Variants in UGT1A10 observed in about 807,000 individuals in gnomAD.
The protein encoded by UGT1A10 is UDP glucuronosyltransferase family 1 member A10.
A neutral mutation model predicts 45.8 loss-of-function variants in UGT1A10; 49 were observed. The observed-to-expected ratio is 1.07, with a 90% CI of 0.85 to 1.36. UGT1A10 has a LOEUF of 1.36. Ranked by LOEUF, UGT1A10 falls within the 40% of genes most tolerant of loss-of-function variation. The probability of loss-of-function intolerance (pLI) is 0.00; values close to 1 mark genes in which losing one functional copy is unlikely to be tolerated. For missense variants in UGT1A10, 745 were observed against 668.6 expected (o/e 1.11, Z -1.26); for synonymous variants, 284 against 249.7 (o/e 1.14, Z -1.29).
chr2:233,657,973 G>T lies in UGT1A10; in HGVS notation c.855+20596G>T, dbSNP rs569125238. Among the ~76,000 whole-genome samples, 3 of 150,698 alleles carry T rather than the reference G, an allele frequency of 2.0e-5. No individual in the cohort carries two copies. The East Asian group carries it at 5.8e-4, about 29-fold the overall frequency. ...AATTTAGATTTATGCAAGGTTGCAA[G>T]AACTAGCACAGAGAATTTTCATATC... On this transcript the variant is annotated intron_variant, in intron 1 of 4. Coordinates refer to ENST00000344644, the MANE Select transcript of UGT1A10 (RefSeq NM_019075.4).
chr2:233,747,372 A>G (rs1321135438), intron 1 of UGT1A10: 1 of 1,604,206 alleles, frequency 6.2e-7, no homozygotes, highest in African/African-American at 1.3e-5. Flanking sequence ...GCTCCATGCC[A>G]GAGGCCACCA....
At chr2:233,665,598 A>G (rs917976898) in intron 1 of UGT1A10, among the ~76,000 whole-genome samples, 3 of 152,242 alleles carry the variant, frequency 2.0e-5, no homozygotes, top group Non-Finnish European at 4.4e-5. Context: ...GAAACAGTTT[A>G]GCATTGGTTG....
intron 1 of UGT1A10, among the ~76,000 whole-genome samples, chr2:233,671,419 T>C (rs2074187596): frequency 6.6e-6 from 1 of 152,152 alleles, no homozygotes; most frequent in African/African-American, 2.4e-5. Flanking sequence ...ATGTATGCAT[T>C]GCAGAGACAC....
In UGT1A10 at chr2:233,772,133, A is replaced by G. The variant is rs1203476934; in HGVS notation, c.1296-129A>G. ...GTATCTAAAAACAACAACAACAACA[A>G]TAATAGAAACAGGTTTCCTTTCCCA... On this transcript the variant is annotated intron_variant, in intron 4 of 4. Coordinates refer to ENST00000344644, the MANE Select transcript of UGT1A10 (RefSeq NM_019075.4). 1.9e-6 allele frequency: 3 copies of G among 1,545,744 alleles called. No homozygotes were observed. In the East Asian group the frequency reaches 7.3e-5, roughly 38 times the overall value.
intron 1 of UGT1A10, among the ~76,000 whole-genome samples, chr2:233,703,952 G>A (rs1407087431): frequency 1.3e-5 from 2 of 151,648 alleles, no homozygotes; most frequent in African/African-American, 4.8e-5. Context: ...GTGCAGTGGT[G>A]TGATCTTGGC....
At chr2:233,661,214 T>C (rs922158312) in intron 1 of UGT1A10, among the ~76,000 whole-genome samples, 1 of 152,078 alleles carries the variant, frequency 6.6e-6, no homozygotes, top group African/African-American at 2.4e-5. Flanking sequence ...CTGGTCTATT[T>C]TCCTACCTTA....
At chr2:233,711,354 C>G (rs1387342793) in intron 1 of UGT1A10, among the ~76,000 whole-genome samples, 6 of 152,220 alleles carry the variant, frequency 3.9e-5, no homozygotes, top group Non-Finnish European at 7.4e-5. Context: ...AACAGGGGAG[C>G]CCCCTGAATG....
At chr2:233,711,829 G>A (rs1274082767) in intron 1 of UGT1A10, among the ~76,000 whole-genome samples, 2 of 152,240 alleles carry the variant, frequency 1.3e-5, no homozygotes, top group African/African-American at 4.8e-5. Context: ...ACCAGGACAA[G>A]GAGGCGTCAG....
chr2:233,727,005 A>C (rs937597843), intron 1 of UGT1A10, among the ~76,000 whole-genome samples: 3 of 152,154 alleles, frequency 2.0e-5, no homozygotes, highest in African/African-American at 4.8e-5. Context: ...GCAAAGTTTT[A>C]TCATTTGTTG....
chr2:233,693,630 T>C (rs1199518896), intron 1 of UGT1A10: 30 of 1,614,076 alleles, frequency 1.9e-5, no homozygotes, highest in Non-Finnish European at 2.5e-5. Flanking sequence ...TCCCAACGAG[T>C]GGCCAACTTC....
intron 1 of UGT1A10, chr2:233,682,452 T>C (rs1214292912): frequency 1.2e-6 from 2 of 1,613,934 alleles, no homozygotes; most frequent in Non-Finnish European, 1.7e-6. Context: ...GCCAGGGGAA[T>C]ATTTTGCCAC....
intron 1 of UGT1A10, among the ~76,000 whole-genome samples, chr2:233,723,234 T>C (rs1308152593): frequency 3.2e-4 from 38 of 117,916 alleles, no homozygotes; most frequent in African/African-American, 1.4e-3. Context: ...TTTTTTGAGT[T>C]GGAGTCCTGC....
chr2:233,669,242 A>G (rs2074134177), intron 1 of UGT1A10, among the ~76,000 whole-genome samples: 1 of 143,780 alleles, frequency 7.0e-6, no homozygotes, highest in Non-Finnish European at 1.5e-5. Context: ...AAATTAGGTA[A>G]TAATTGCTCT....
chr2:233,636,483 G>T lies in UGT1A10; in HGVS notation c.-40G>T, dbSNP rs769889731. 1 of 1,590,210 alleles carries T rather than the reference G, an allele frequency of 6.3e-7. No homozygotes were observed. The highest frequency in any genetic ancestry group is 1.3e-5 in the African/African-American group (1 of 74,622). On this transcript the variant is annotated 5_prime_UTR_variant, in exon 1 of 5. Transcript: ENST00000344644. ...TTCTTCCGCCTACTGTATCATAGCA[G>T]CTTAGAATCCCAGCTGCTGGCTCGG...
chr2:233,772,792 A>G lies in UGT1A10; in HGVS notation c.*233A>G. On this transcript the variant is annotated 3_prime_UTR_variant, in exon 5 of 5. Coordinates refer to ENST00000344644, the MANE Select transcript of UGT1A10 (RefSeq NM_019075.4). ...CTCTGGTGTCTTTGATCAGGATGAC[A>G]TGTGCCATTTTTCAGAGGACGTGCA... 8.2e-7 allele frequency: 1 copy of G among 1,219,898 alleles called. No homozygotes were observed. The highest frequency in any genetic ancestry group is 3.0e-4 in the Middle Eastern group (1 of 3,362). 75.6% of individuals were successfully genotyped at this position (1,219,898 alleles called of 1,614,324 possible).
chr2:233,751,063 A>G (rs1291377665), intron 1 of UGT1A10, among the ~76,000 whole-genome samples: 4 of 152,012 alleles, frequency 2.6e-5, no homozygotes, highest in East Asian at 1.9e-4. Context: ...ACAGACACTC[A>G]ATGCCAGCCT....
intron 1 of UGT1A10, chr2:233,693,169 G>C (rs2075135858): frequency 6.2e-7 from 1 of 1,614,188 alleles, no homozygotes; most frequent in African/African-American, 1.3e-5. Flanking sequence ...GGGGTCATGA[G>C]ATTGTAGTGG....
intron 1 of UGT1A10, among the ~76,000 whole-genome samples, chr2:233,725,072 A>T (rs1214982846): frequency 6.9e-6 from 1 of 144,958 alleles, no homozygotes; most frequent in African/African-American, 2.6e-5. Flanking sequence ...CTGCAATCGC[A>T]GGCACTCGGC....
chr2:233,769,576 T>C lies in UGT1A10; in HGVS notation c.1295+1137T>C. The C allele has an allele frequency of 3.1e-6, 5 of 1,612,860 alleles. No individual in the cohort carries two copies. Among genetic ancestry groups the C allele is most frequent in the Non-Finnish European group, 4.2e-6 (5 of 1,179,860 alleles). ...GACAGATGTGAAGAGCTGGAGCATG[T>C]TCAGATGAGAGGAGACGGAACACGG... On this transcript the variant is annotated intron_variant, in intron 4 of 4. Coordinates refer to ENST00000344644, the MANE Select transcript of UGT1A10 (RefSeq NM_019075.4). The surrounding 1 kb of genome is among the most constrained non-coding windows in gnomAD (Gnocchi z 4.4).
Sources: gnomAD v4.1 joint callset for allele counts (sites outside exome capture counted in the v4.1 genomes callset) on GRCh38, gnomAD v4.1.1 for gene constraint, Gnocchi (gnomAD v3.1) non-coding constraint, MANE v1.5 for transcripts, NCBI Gene and HGNC (gene_info 2026-07-23, HGNC 2026-07-21) for gene names.